QSER1: variants seen among roughly 807,000 people sequenced by gnomAD.
The protein encoded by QSER1 is glutamine and serine-rich protein 1.
A neutral mutation model predicts 158.5 loss-of-function variants in QSER1; 49 were observed. That is an observed-to-expected ratio of 0.31 (90% CI 0.25 to 0.39). The LOEUF is 0.39. Ranked by LOEUF, QSER1 falls within the 10% of genes least tolerant of loss-of-function variation. The probability of loss-of-function intolerance (pLI) is 1.00; values close to 1 mark genes in which losing one functional copy is unlikely to be tolerated. For synonymous variants in QSER1, 650 were observed against 715.5 expected (o/e 0.91, Z 1.46); for missense variants, 1,754 against 2,010.3 (o/e 0.87, Z 2.44).
intron 1 of QSER1, among the ~76,000 whole-genome samples, chr11:32,911,573 G>GT (rs1309649445): frequency 6.6e-6 from 1 of 152,118 alleles, no homozygotes; most frequent in Non-Finnish European, 1.5e-5. Context: ...GATGTGGAAG[G>GT]TAACTGGCTC....
In QSER1 at chr11:32,932,354, C is replaced by T. The variant is rs1396275210; in HGVS notation, c.1096C>T (p.Pro366Ser). ...CAGGCAGTCATCTTTATCCTGTAGC[C>T]CAATTGGAGATTCCACTCAGGTGAG... is the stretch of plus-strand genomic sequence containing the variant. Reference protein sequence around the residue: ...TTRQSSLSCSPIGDSTQVSNG... With the variant: ...TTRQSSLSCSSIGDSTQVSNG... Residue 366 changes from proline (P) to serine (S), a missense_variant, in exon 4 of 13, where the codon CCA (proline) becomes TCA (serine). By Grantham distance (74) the Pro-to-Ser change is moderately conservative (BLOSUM62 -1). Around this residue, in one of 2 missense-constraint regions of QSER1, gnomAD observed 1,707 missense variants for 1,919.6 expected, o/e 0.89. Transcript: ENST00000650167. 5 of 1,612,312 alleles carry T rather than the reference C, an allele frequency of 3.1e-6. No homozygotes were observed. The highest frequency in any genetic ancestry group is 2.2e-5 in the East Asian group (1 of 44,882).
chr11:32,902,621 C>A (rs959612407), intron 1 of QSER1, among the ~76,000 whole-genome samples: 1 of 152,112 alleles, frequency 6.6e-6, no homozygotes, highest in Non-Finnish European at 1.5e-5. Context: ...GCTGACAAGA[C>A]CAGACAGGTG....
rs1194239579 is a variant in QSER1, at chr11:32,964,769, C to CACAT, written c.4970-1528_4970-1527insTACA. Among the ~76,000 whole-genome samples the CACAT allele has an allele frequency of 4.6e-3, 587 of 127,256 alleles. 18 individuals are homozygous for CACAT. The highest frequency in any genetic ancestry group is 5.6e-3 in the Non-Finnish European group (345 of 62,142). The allele number at this position is 127,256 out of a possible 152,430, so 83.5% of individuals were successfully genotyped here. A position where few individuals can be genotyped will look rare whatever the true frequency, so the allele number is the denominator to read the frequency against. Reference sequence around the variant, plus strand: ...ACACACACACACACACACACACACACACACACACACACATACACACACATA... The same window carrying CACAT: ...ACACACACACACACACACACACACACACATACACACACACACATACACACACATA... On this transcript the variant is annotated intron_variant, in intron 8 of 12. Coordinates refer to ENST00000650167, the MANE Select transcript of QSER1 (RefSeq NM_001076786.3).
intron 1 of QSER1, among the ~76,000 whole-genome samples, chr11:32,925,542 T>TTTA (rs1564931506): frequency 4.3e-5 from 5 of 116,652 alleles, no homozygotes; most frequent in Non-Finnish European, 7.9e-5. Context: ...TTATTTATTT[T>TTTA]TTGCAGACAG....
chr11:32,932,616 C>T lies in QSER1; in HGVS notation c.1358C>T (p.Ala453Val). The T allele has an allele frequency of 6.2e-7, 1 of 1,614,068 alleles. No individual in the cohort carries two copies. Among genetic ancestry groups the T allele is most frequent in the South Asian group, 1.1e-5 (1 of 91,054 alleles). The change falls in exon 4 of 13, where the codon GCA becomes GTA. Residue 453 changes from alanine to valine, a missense_variant. Coordinates refer to ENST00000650167, the MANE Select transcript of QSER1 (RefSeq NM_001076786.3). Reference sequence around the variant, plus strand: ...CAGAGTTCTGTAATATCGGGCCAAGCACAAATTTATTCTACAGCGCAGCTA... The same window carrying T: ...CAGAGTTCTGTAATATCGGGCCAAGTACAAATTTATTCTACAGCGCAGCTA... ...HNQSSVISGQ[A>V]QIYSTAQLPS...
At chr11:32,956,534 T>C (rs1852515659) in intron 7 of QSER1, among the ~76,000 whole-genome samples, 2 of 152,230 alleles carry the variant, frequency 1.3e-5, no homozygotes, top group Admixed American at 1.3e-4. Context: ...ACTACATTAC[T>C]GTACAAGTGT....
intron 1 of QSER1, among the ~76,000 whole-genome samples, chr11:32,897,612 G>A (rs146364163): frequency 2.0e-5 from 3 of 152,214 alleles, no homozygotes; most frequent in Admixed American, 2.0e-4. Flanking sequence ...CTCAGGGCTT[G>A]GGATTGATAA....
Position 32,932,106 on chromosome 11 carries a change from C to G in QSER1, c.848C>G (p.Ser283Ter). 6.2e-7 allele frequency: 1 copy of G among 1,614,170 alleles called. No individual in the cohort carries two copies. The highest frequency in any genetic ancestry group is 8.5e-7 in the Non-Finnish European group (1 of 1,180,018). The change falls in exon 4 of 13, where the codon TCA (serine) becomes TGA (stop). Residue 283 changes from serine (S) to a stop codon, truncating the protein, a stop_gained. Coordinates refer to ENST00000650167, the MANE Select transcript of QSER1 (RefSeq NM_001076786.3). LOFTEE classifies it high-confidence loss of function. ...CAACCTCAATTTAGTTTGTTGCCTT[C>G]AGCACTTGGGGGATCCCAGCAGACT... ...LLQPQFSLLPSALGGSQQTPQ... is the reference protein window; with the variant it reads ...LLQPQFSLLP
rs1852048156 is a variant in QSER1, at chr11:32,931,689, CAT to C, written c.485-52_485-51del. On this transcript the variant is annotated intron_variant, in intron 3 of 12. Coordinates refer to ENST00000650167, the MANE Select transcript of QSER1 (RefSeq NM_001076786.3). ...GTTATGTAAGTCATTACTATGAAAACATAAAGTAATTGTGCCATAATTACATA... is the reference window on the plus strand; with the variant it reads ...GTTATGTAAGTCATTACTATGAAAACAAAGTAATTGTGCCATAATTACATA... 37 of 1,372,966 alleles carry C rather than the reference CAT, an allele frequency of 2.7e-5. 1 individual carries two copies. In the South Asian group the frequency reaches 5.0e-4, roughly 18 times the overall value. 85.0% of individuals were successfully genotyped at this position (1,372,966 alleles called of 1,614,324 possible).
chr11:32,917,317 A>T (rs1461599348), intron 1 of QSER1, among the ~76,000 whole-genome samples: 3 of 152,164 alleles, frequency 2.0e-5, no homozygotes, highest in African/African-American at 7.2e-5. Flanking sequence ...GTTGCTATGA[A>T]CATTTATGTA....
intron 1 of QSER1, among the ~76,000 whole-genome samples, chr11:32,925,286 AAAGATTT>A (rs1423144105): frequency 6.6e-6 from 1 of 152,210 alleles, no homozygotes; most frequent in African/African-American, 2.4e-5. Context: ...TAAAAGGGCT[AAAGATTT>A]GAATAAACTT....
chr11:32,906,624 G>A (rs1224060107), intron 1 of QSER1, among the ~76,000 whole-genome samples: 1 of 151,652 alleles, frequency 6.6e-6, no homozygotes, highest in Non-Finnish European at 1.5e-5. Flanking sequence ...ATTTTCTCAG[G>A]GTGGTCTCAA....
At position 32,976,490 on chromosome 11, in the gene QSER1, C is replaced by T. The variant is rs750335676; in HGVS notation, c.*16C>T. 1.2e-6 allele frequency: 2 copies of T among 1,609,670 alleles called. No individual in the cohort carries two copies. Among genetic ancestry groups the T allele is most frequent in the South Asian group, 2.2e-5 (2 of 89,920 alleles). ...ATGTTCCTGACTTTTCCACAAAAAT[C>T]CCATCTTTTTATAGCACTAATGAAA... On this transcript the variant is annotated 3_prime_UTR_variant, in exon 13 of 13. Transcript: ENST00000650167.
At chr11:32,919,294 A>G (rs1035592729) in intron 1 of QSER1, among the ~76,000 whole-genome samples, 3 of 152,138 alleles carry the variant, frequency 2.0e-5, no homozygotes, top group African/African-American at 7.2e-5. Flanking sequence ...CAAATTTTTA[A>G]AAGTTTTTTA....
intron 1 of QSER1, among the ~76,000 whole-genome samples, chr11:32,910,837 C>T (rs1851756831): frequency 6.6e-6 from 1 of 152,184 alleles, no homozygotes; most frequent in Non-Finnish European, 1.5e-5. Context: ...ATACCTTTTC[C>T]TACCTCCCTC....
intron 10 of QSER1, among the ~76,000 whole-genome samples, chr11:32,970,840 A>G (rs1044375543): frequency 2.0e-5 from 3 of 152,028 alleles, no homozygotes; most frequent in African/African-American, 7.3e-5. Flanking sequence ...CTTAAAAATT[A>G]CCAGGTTTGG....
intron 1 of QSER1, among the ~76,000 whole-genome samples, chr11:32,921,277 G>A (rs1303829652): frequency 1.3e-5 from 2 of 152,218 alleles, no homozygotes; most frequent in Admixed American, 1.3e-4. Flanking sequence ...CAGTTTTTAT[G>A]AGTTATTTTG....
chr11:32,934,245 CT>C lies in QSER1; in HGVS notation c.2988del (p.Asp997IlefsTer27). On this transcript the variant is annotated frameshift_variant, in exon 4 of 13. Transcript: ENST00000650167. LOFTEE classifies it high-confidence loss of function. ...ATAAACGVTP[T>X]DFSKSTSNET... ...GCAGCAGCTTGTGGAGTTACACCTA[CT>C]GATTTTTCCAAGTCAACTTCAAATG... The C allele has an allele frequency of 6.2e-7, 1 of 1,613,926 alleles. No homozygotes were observed. The highest frequency in any genetic ancestry group is 8.5e-7 in the Non-Finnish European group (1 of 1,179,962).
chr11:32,933,111 C>T lies in QSER1; in HGVS notation c.1853C>T (p.Pro618Leu), dbSNP rs781105170. 1.6e-5 allele frequency: 26 copies of T among 1,613,650 alleles called. No homozygotes were observed. The East Asian group carries it at 2.2e-4, about 14-fold the overall frequency. Residue 618 changes from proline to leucine, a missense_variant, in exon 4 of 13, where the codon CCG becomes CTG. This residue lies in a region of QSER1 where 1,707 missense variants were observed against 1,919.6 expected (regional missense o/e 0.89). Transcript: ENST00000650167. Reference sequence around the variant, plus strand: ...GCTCAGAATTTGCCAGACTCTAGCCCGACCCAGAATTATATTTCTATGCAT... The same window carrying T: ...GCTCAGAATTTGCCAGACTCTAGCCTGACCCAGAATTATATTTCTATGCAT... Reference protein sequence around the residue: ...SRAQNLPDSSPTQNYISMHSS... With the variant: ...SRAQNLPDSSLTQNYISMHSS...
Sources: gnomAD v4.1 joint callset for allele counts (sites outside exome capture counted in the v4.1 genomes callset) on GRCh38, gnomAD v4.1.1 for gene constraint, gnomAD v4.1.1 regional missense constraint, MANE v1.5 for transcripts, NCBI Gene and HGNC (gene_info 2026-07-23, HGNC 2026-07-21) for gene names.